ATRX: variants seen among roughly 807,000 people sequenced by gnomAD.
ATRX encodes chromatin remodeler ATRX.
In ATRX, 12 loss-of-function variants were observed where a neutral mutation model predicts 172.6. That is an observed-to-expected ratio of 0.07 (90% CI 0.04 to 0.11). ATRX has a LOEUF of 0.11. Ranked by LOEUF, ATRX falls within the 10% of genes least tolerant of loss-of-function variation. ATRX has a pLI of 1.00. For missense variants in ATRX, 1,368 were observed against 1,767.4 expected, an observed-to-expected ratio of 0.77 and a Z score of 4.05; for synonymous variants, 674 against 594.7, an observed-to-expected ratio of 1.13 and a Z score of -1.94.
intron 1 of ATRX, among the ~76,000 whole-genome samples, chrX:77,768,117 A>G (rs1207587013): frequency 8.9e-6 from 1 of 112,288 alleles, no homozygotes; most frequent in Middle Eastern, 4.6e-3. Context: ...TATGTTCCAT[A>G]ACTTGAAAAT....
chrX:77,519,962 T>G (rs1557040612), intron 34 of ATRX, among the ~76,000 whole-genome samples: 2 of 111,640 alleles, frequency 1.8e-5, no homozygotes, highest in Non-Finnish European at 3.8e-5. Flanking sequence ...TACAATGGAG[T>G]ACTATTCAGC....
At chrX:77,547,921 G>GT (rs1165947299) in intron 30 of ATRX, among the ~76,000 whole-genome samples, 2 of 111,564 alleles carry the variant, frequency 1.8e-5, no homozygotes, top group East Asian at 2.8e-4. Flanking sequence ...TTCCAAAAAT[G>GT]TAAGTCCATA....
chrX:77,785,128 G>A (rs1449337250), intron 1 of ATRX, among the ~76,000 whole-genome samples: 2 of 111,283 alleles, frequency 1.8e-5, no homozygotes, highest in East Asian at 5.6e-4. Context: ...GTTAAGAGGA[G>A]GCCTGCCAGG....
chrX:77,594,078 G>A, intron 25 of ATRX: 4 of 286,136 alleles, frequency 1.4e-5, no homozygotes, highest in South Asian at 8.2e-5. Context: ...GGAAGGAGAT[G>A]CCAAATAAGA....
chrX:77,709,130 AG>A (rs782426648), intron 2 of ATRX, among the ~76,000 whole-genome samples: 2 of 111,409 alleles, frequency 1.8e-5, no homozygotes, highest in South Asian at 7.6e-4. Flanking sequence ...GCTACTCGAG[AG>A]GCTGAGGCAG....
intron 15 of ATRX, among the ~76,000 whole-genome samples, chrX:77,644,142 A>T (rs1557112478): frequency 8.9e-6 from 1 of 112,196 alleles, no homozygotes; most frequent in Non-Finnish European, 1.9e-5. Flanking sequence ...GGATTTCACC[A>T]TGTTGGCTAG....
At chrX:77,737,489 T>C (rs937006494) in intron 1 of ATRX, among the ~76,000 whole-genome samples, 2 of 94,870 alleles carry the variant, frequency 2.1e-5, no homozygotes, top group African/African-American at 4.1e-5. Flanking sequence ...TAATAAATAA[T>C]AGATAATACA....
Position 77,584,656 on chromosome X carries a change from T to C in ATRX, c.6217+5178A>G, listed in dbSNP as rs376440037. On this transcript the variant is annotated intron_variant, in intron 27 of 34. Coordinates refer to ENST00000373344, the MANE Select transcript of ATRX (RefSeq NM_000489.6). ...TCTCTCGCCATATATAAAAATCAAG[T>C]CAAAATGGATTAAAGATTTAAATCT... is the stretch of plus-strand genomic sequence containing the variant. Among the ~76,000 whole-genome samples, 357 of 111,104 alleles carry C rather than the reference T, an allele frequency of 3.2e-3. 2 individuals are homozygous for C. Among genetic ancestry groups the C allele is most frequent in the South Asian group, 0.017 (46 of 2,633 alleles).
rs782113142 is a variant in ATRX, at chrX:77,599,402, T to C, written c.5956+9A>G. 8.3e-7 allele frequency: 1 copy of C among 1,207,722 alleles called. No individual in the cohort carries two copies. The highest frequency in any genetic ancestry group is 1.8e-5 in the African/African-American group (1 of 57,012). On this transcript the variant is annotated intron_variant, in intron 25 of 34. Transcript: ENST00000373344. ...GTTCCATGATAAAGGCAACATTCAT[T>C]AGACTCACTTTCTTCCAGTTTTAAA... is the stretch of plus-strand genomic sequence containing the variant.
At chrX:77,531,733 G>C (rs1373020527) in intron 30 of ATRX, among the ~76,000 whole-genome samples, 1 of 111,787 alleles carries the variant, frequency 8.9e-6, no homozygotes, top group Non-Finnish European at 1.9e-5. Flanking sequence ...AGACAAAGAT[G>C]CCTTCTCTCA....
chrX:77,537,793 T>C (rs4826225), intron 30 of ATRX, among the ~76,000 whole-genome samples: 57,337 of 110,868 alleles, frequency 0.52, 12,920 homozygotes, highest in Non-Finnish European at 0.69. Context: ...AAATCCTAGA[T>C]ATATGGCTGT....
At chrX:77,631,066 A>G (rs1396194595) in intron 19 of ATRX, among the ~76,000 whole-genome samples, 4 of 110,399 alleles carry the variant, frequency 3.6e-5, no homozygotes, top group Non-Finnish European at 7.6e-5. Flanking sequence ...CCAGGACAAT[A>G]TAACATGAAC....
chrX:77,719,695 G>A (rs782037343), intron 1 of ATRX, among the ~76,000 whole-genome samples: 6 of 111,370 alleles, frequency 5.4e-5, no homozygotes, highest in Non-Finnish European at 9.4e-5. Flanking sequence ...AGTTCTTAGA[G>A]ACCTACAAAG....
intron 29 of ATRX, 96 bp downstream of exon 29, chrX:77,558,573 T>C: frequency 2.5e-6 from 2 of 801,624 alleles, no homozygotes; most frequent in Middle Eastern, 4.0e-4. Context: ...TTTCCAACTT[T>C]GTTTCCCTCT....
rs139998575 is a variant in ATRX, at chrX:77,556,840, G to A, written c.6699+611C>T. On this transcript the variant is annotated intron_variant, in intron 30 of 34. Transcript: ENST00000373344. ...AAAAATTATAATGATTAAGAGTAAT[G>A]CTTTTGAGTTGGTCAGATATGATTT... Among the ~76,000 whole-genome samples, 783 of 111,999 alleles carry A rather than the reference G, an allele frequency of 7.0e-3. 9 individuals carry two copies. The highest frequency in any genetic ancestry group is 0.024 in the African/African-American group (751 of 30,846).
At chrX:77,771,811 C>A in intron 1 of ATRX, among the ~76,000 whole-genome samples, 1 of 111,268 alleles carries the variant, frequency 9.0e-6, no homozygotes. Flanking sequence ...GAACATCTGG[C>A]AATTTCTGGA....
intron 15 of ATRX, 37 bp downstream of exon 15, chrX:77,652,077 G>A (rs782474925): frequency 1.1e-5 from 13 of 1,197,920 alleles, no homozygotes; most frequent in Non-Finnish European, 1.5e-5. Context: ...AGACCCTGTA[G>A]CTACAAAAGA....
chrX:77,531,543 C>G (rs2063575657), intron 30 of ATRX, among the ~76,000 whole-genome samples: 1 of 112,152 alleles, frequency 8.9e-6, no homozygotes, highest in African/African-American at 3.2e-5. Flanking sequence ...ATGATTATCT[C>G]AATAGATGCA....
intron 9 of ATRX, among the ~76,000 whole-genome samples, chrX:77,679,127 A>G (rs962514535): frequency 9.0e-6 from 1 of 111,376 alleles, no homozygotes; most frequent in Non-Finnish European, 1.9e-5. Flanking sequence ...CTTTAAAAAC[A>G]GAACTTTTTA....
Sources: gnomAD v4.1 joint callset for allele counts (sites outside exome capture counted in the v4.1 genomes callset) on GRCh38, gnomAD v4.1.1 for gene constraint, MANE v1.5 for transcripts, NCBI Gene and HGNC (gene_info 2026-07-23, HGNC 2026-07-21) for gene names.